Variants in VPS28 observed in about 807,000 individuals in gnomAD.
The protein encoded by VPS28 is VPS28 subunit of ESCRT-I.
Under a neutral mutation model 33.7 loss-of-function variants are expected in VPS28, and 29 were observed. That is an observed-to-expected ratio of 0.86 (90% CI 0.64 to 1.17). The LOEUF is 1.17. Among genes scored for constraint, VPS28 ranks in the 50% most tolerant of loss-of-function variants. VPS28 has a pLI of 0.00. For synonymous variants in VPS28, 164 were observed against 116.7 expected, an observed-to-expected ratio of 1.40 and a Z score of -2.61; for missense variants, 247 against 312.2, an observed-to-expected ratio of 0.79 and a Z score of 1.57.
In VPS28 at chr8:144,428,528, G is replaced by T. The variant is rs1358407083; in HGVS notation, c.-74C>A. ...GTCGGGAAGATGGCGCCGGGGGCGGGGTGCGCTCGGTCAGCGACTCGGCAT... is the reference window on the plus strand; with the variant it reads ...GTCGGGAAGATGGCGCCGGGGGCGGTGTGCGCTCGGTCAGCGACTCGGCAT... On this transcript the variant is annotated 5_prime_UTR_variant, in exon 1 of 10. Coordinates refer to ENST00000292510, the MANE Select transcript of VPS28 (RefSeq NM_016208.4). 1 of 152,172 alleles carries T rather than the reference G, an allele frequency of 6.6e-6. No individual in the cohort carries two copies. Among genetic ancestry groups the T allele is most frequent in the Admixed American group, 6.5e-5 (1 of 15,284 alleles). 9.4% of individuals were successfully genotyped at this position (152,172 alleles called of 1,614,324 possible).
At chr8:144,426,359 T>A in intron 2 of VPS28, 151 bp from the exon 3 acceptor site, 1 of 1,034,490 alleles carries the variant, frequency 9.7e-7, no homozygotes, top group Non-Finnish European at 1.3e-6. Context: ...GGTTCCAACC[T>A]CACCCCTATC....
At chr8:144,424,488 C>A in intron 7 of VPS28, 1 of 804,352 alleles carries the variant, frequency 1.2e-6, no homozygotes, top group South Asian at 1.8e-5. Flanking sequence ...TCTCCCGAGG[C>A]CAGGACCCCG....
At position 144,423,935 on chromosome 8, in the gene VPS28, C is replaced by T. The variant is rs1822536068; in HGVS notation, c.549-13G>A. The T allele has an allele frequency of 6.2e-7, 1 of 1,612,992 alleles. No individual in the cohort carries two copies. The highest frequency in any genetic ancestry group is 1.3e-5 in the African/African-American group (1 of 74,948). On this transcript the variant is annotated splice_polypyrimidine_tract_variant and intron_variant, in intron 9 of 9. Coordinates refer to ENST00000292510, the MANE Select transcript of VPS28 (RefSeq NM_016208.4). ...CAGGGTCTGCAGCCTGGGAGTGCAGCACAGGGCATGTGGGGGCTGAGGGCC... is the reference window on the plus strand; with the variant it reads ...CAGGGTCTGCAGCCTGGGAGTGCAGTACAGGGCATGTGGGGGCTGAGGGCC...
chr8:144,424,433 C>A (rs1162645362), intron 7 of VPS28, 165 bp from the exon 8 acceptor site: 3 of 985,886 alleles, frequency 3.0e-6, no homozygotes, highest in Non-Finnish European at 4.4e-6. Context: ...CCTGGCTGCC[C>A]AGACAGCTGT....
chr8:144,424,275 GC>G lies in VPS28; in HGVS notation c.403-8del. 1 of 1,598,574 alleles carries G rather than the reference GC, an allele frequency of 6.3e-7. No homozygotes were observed. The highest frequency in any genetic ancestry group is 1.1e-5 in the South Asian group (1 of 89,658). Reference sequence around the variant, plus strand: ...CCATGACCGTGATGAAGAGCTGGGGGCAGGTGTGCACATGAGGCTCGCGTGT... The same window carrying G: ...CCATGACCGTGATGAAGAGCTGGGGGAGGTGTGCACATGAGGCTCGCGTGT... On this transcript the variant is annotated splice_region_variant and splice_polypyrimidine_tract_variant and intron_variant, in intron 7 of 9. Coordinates refer to ENST00000292510, the MANE Select transcript of VPS28 (RefSeq NM_016208.4).
At chr8:144,424,885 G>C in intron 6 of VPS28, 61 bp downstream of exon 6, 2 of 1,611,972 alleles carry the variant, frequency 1.2e-6, no homozygotes, top group Admixed American at 1.7e-5. Flanking sequence ...AGAGCCCTCT[G>C]GCACCCCATA....
At chr8:144,426,377 G>T (rs1190977515) in intron 2 of VPS28, 169 bp from the exon 3 acceptor site, 1 of 864,050 alleles carries the variant, frequency 1.2e-6, no homozygotes, top group Non-Finnish European at 1.7e-6. Flanking sequence ...ATCAGTGTGT[G>T]GGGGGACCTG....
intron 5 of VPS28, 62 bp from the exon 6 acceptor site, chr8:144,425,113 C>CA: frequency 6.8e-7 from 1 of 1,463,498 alleles, no homozygotes; most frequent in Non-Finnish European, 9.4e-7. Flanking sequence ...ATCCTACCCC[C>CA]TCGGCTGGTC....
chr8:144,425,645 C>A (rs868987240), intron 5 of VPS28, 38 bp downstream of exon 5: 2 of 1,607,964 alleles, frequency 1.2e-6, no homozygotes, highest in Non-Finnish European at 1.7e-6. Flanking sequence ...CCAAGCCCCC[C>A]AGGGCAGGAA....
intron 5 of VPS28, 102 bp downstream of exon 5, chr8:144,425,581 C>T: frequency 6.2e-6 from 8 of 1,286,884 alleles, no homozygotes; most frequent in Non-Finnish European, 8.7e-6. Context: ...GGGCCCCACA[C>T]AAGTGGGTGC....
At chr8:144,425,144 G>A in intron 5 of VPS28, 93 bp from the exon 6 acceptor site, 1 of 1,147,908 alleles carries the variant, frequency 8.7e-7, no homozygotes. Context: ...GCAGCTTCCA[G>A]AGAGGACCAG....
intron 1 of VPS28, chr8:144,427,239 C>A: frequency 3.5e-6 from 1 of 289,094 alleles, no homozygotes; most frequent in Non-Finnish European, 6.7e-6. Context: ...GTGAAGGTTT[C>A]AATGAGCCAA....
Position 144,427,043 on chromosome 8 carries a change from T to A in VPS28, c.-34-64A>T, listed in dbSNP as rs184972430. 4.9e-3 allele frequency: 6,557 copies of A among 1,330,804 alleles called. 23 individuals are homozygous for A. Among genetic ancestry groups the A allele is most frequent in the Non-Finnish European group, 5.7e-3 (5,449 of 955,334 alleles). The allele number at this position is 1,330,804 out of a possible 1,614,324, so 82.4% of individuals were successfully genotyped here. ...TAAGCCAGGCGCTGGCTCACACCTG[T>A]AATCCCAGCACTTTGGGAGGCCGAG... is the stretch of plus-strand genomic sequence containing the variant. On this transcript the variant is annotated intron_variant, in intron 1 of 9. Coordinates refer to ENST00000292510, the MANE Select transcript of VPS28 (RefSeq NM_016208.4).
Position 144,426,957 on chromosome 8 carries a change from TG to T in VPS28, c.-13del, listed in dbSNP as rs781989643. 3.2e-5 allele frequency: 51 copies of T among 1,605,614 alleles called. No homozygotes were observed. The highest frequency in any genetic ancestry group is 8.8e-5 in the South Asian group (8 of 90,646). ...ATCCCATGAAACATCCTCTAGGCTC[TG>T]GGGGGGGCACAGCACTGAGACCTGG... On this transcript the variant is annotated 5_prime_UTR_variant, in exon 2 of 10. Coordinates refer to ENST00000292510, the MANE Select transcript of VPS28 (RefSeq NM_016208.4).
chr8:144,424,367 G>A, intron 7 of VPS28, 99 bp from the exon 8 acceptor site: 1 of 1,452,152 alleles, frequency 6.9e-7, no homozygotes, highest in Non-Finnish European at 9.2e-7. Context: ...CTGTCACTTG[G>A]GCCTCCTCAC....
At chr8:144,425,510 C>T in intron 5 of VPS28, 173 bp downstream of exon 5, 1 of 650,038 alleles carries the variant, frequency 1.5e-6, no homozygotes, top group East Asian at 2.8e-5. Flanking sequence ...CTGCCCGCCT[C>T]CCTCACCAGC....
At chr8:144,423,947 G>A (rs1554875858) in intron 9 of VPS28, 25 bp from the exon 10 acceptor site, 10 of 1,612,920 alleles carry the variant, frequency 6.2e-6, no homozygotes, top group Non-Finnish European at 8.5e-6. Flanking sequence ...CAGGGCATGT[G>A]GGGGCTGAGG....
In VPS28 at chr8:144,425,860, G is replaced by A. The variant is rs1183619213; in HGVS notation, c.105-88C>T. On this transcript the variant is annotated intron_variant, in intron 4 of 9. Coordinates refer to ENST00000292510, the MANE Select transcript of VPS28 (RefSeq NM_016208.4). ...ACCCCCTGCCCGGAGGTGCCACTGCGGGCGCTCTGCCCACCTCTTGCTCCA... is the reference window on the plus strand; with the variant it reads ...ACCCCCTGCCCGGAGGTGCCACTGCAGGCGCTCTGCCCACCTCTTGCTCCA... 16 of 1,585,320 alleles carry A rather than the reference G, an allele frequency of 1.0e-5. No individual in the cohort carries two copies. The Admixed American group carries it at 1.2e-4, about 12-fold the overall frequency.
intron 2 of VPS28, 76 bp downstream of exon 2, chr8:144,426,832 CG>C (rs1822790756): frequency 6.4e-7 from 1 of 1,551,114 alleles, no homozygotes; most frequent in African/African-American, 1.4e-5. Context: ...TCCCCACCCC[CG>C]ATCCCCAATA....
Sources: gnomAD v4.1 joint callset for allele counts on GRCh38, gnomAD v4.1.1 for gene constraint, MANE v1.5 for transcripts, NCBI Gene and HGNC (gene_info 2026-07-23, HGNC 2026-07-21) for gene names.